The following TTC28 variants were observed in gnomAD, a reference collection of about 807,000 sequenced individuals.
TTC28 encodes tetratricopeptide repeat protein 28.
In TTC28, 61 loss-of-function variants were observed where a neutral mutation model predicts 198.0. The observed-to-expected ratio is 0.31, with a 90% CI of 0.25 to 0.38. The LOEUF is 0.38. TTC28 is among the 10% of genes least tolerant of loss of function. TTC28 has a pLI of 1.00. For synonymous variants in TTC28, 1,171 were observed against 1,297.8 expected, an observed-to-expected ratio of 0.90 and a Z score of 2.10; for missense variants, 2,678 against 3,164.0, an observed-to-expected ratio of 0.85 and a Z score of 3.69.
At chr22:28,395,340 T>G (rs1181104418) in intron 2 of TTC28, among the ~76,000 whole-genome samples, 1 of 152,132 alleles carries the variant, frequency 6.6e-6, no homozygotes, top group African/African-American at 2.4e-5. Flanking sequence ...TTCTATCCCT[T>G]CCAGGGAGAC....
chr22:28,276,517 A>T (rs1932442456), intron 5 of TTC28, among the ~76,000 whole-genome samples: 1 of 152,234 alleles, frequency 6.6e-6, no homozygotes, highest in Non-Finnish European at 1.5e-5. Flanking sequence ...AAATATATAC[A>T]GTAACTATTA....
chr22:28,430,036 ATTTTTTTT>A (rs919396993), intron 2 of TTC28, among the ~76,000 whole-genome samples: 1 of 109,994 alleles, frequency 9.1e-6, no homozygotes, highest in African/African-American at 3.4e-5. Context: ...CTGGAATATG[ATTTTTTTT>A]TTTTTTTTTT....
intron 12 of TTC28, among the ~76,000 whole-genome samples, chr22:28,038,565 C>T (rs1240370831): frequency 4.6e-5 from 7 of 152,114 alleles, no homozygotes; most frequent in Admixed American, 4.6e-4. Context: ...CCATAAAAAC[C>T]CTAGAAGAAA....
chr22:28,671,625 A>C (rs1000998841), intron 1 of TTC28, among the ~76,000 whole-genome samples: 1 of 125,246 alleles, frequency 8.0e-6, no homozygotes, highest in African/African-American at 3.1e-5. Context: ...ACAGAACAAG[A>C]CTCCATCTCA....
intron 6 of TTC28, among the ~76,000 whole-genome samples, chr22:28,159,377 C>T (rs923845519): frequency 2.2e-4 from 33 of 152,056 alleles, no homozygotes; most frequent in African/African-American, 7.7e-4. Flanking sequence ...AGCTACCGGC[C>T]GGGCATGGTG....
chr22:28,335,649 T>C (rs917948858), intron 2 of TTC28, among the ~76,000 whole-genome samples: 7 of 152,166 alleles, frequency 4.6e-5, no homozygotes, highest in Non-Finnish European at 7.4e-5. Context: ...TGTCTGTTAT[T>C]GGTGTATAAG....
chr22:28,043,898 T>C (rs1215653016), intron 12 of TTC28, among the ~76,000 whole-genome samples: 3 of 152,138 alleles, frequency 2.0e-5, no homozygotes, highest in Non-Finnish European at 4.4e-5. Flanking sequence ...GAGCAAGATG[T>C]GCTAGAACCA....
At chr22:28,537,120 C>T (rs1198347191) in intron 2 of TTC28, among the ~76,000 whole-genome samples, 1 of 150,542 alleles carries the variant, frequency 6.6e-6, no homozygotes, top group Non-Finnish European at 1.5e-5. Context: ...GGTGAAACCC[C>T]GTCTCTATTA....
At chr22:28,335,172 T>C (rs1056655430) in intron 2 of TTC28, among the ~76,000 whole-genome samples, 3 of 152,138 alleles carry the variant, frequency 2.0e-5, no homozygotes, top group Non-Finnish European at 2.9e-5. Flanking sequence ...CATAGATATG[T>C]GGCATTATTT....
At chr22:28,401,103 A>G (rs2046899364) in intron 2 of TTC28, among the ~76,000 whole-genome samples, 1 of 151,578 alleles carries the variant, frequency 6.6e-6, no homozygotes, top group African/African-American at 2.4e-5. Flanking sequence ...AAGATGGTAC[A>G]GAGTTGTTTA....
At chr22:28,142,694 G>A (rs1943369265) in intron 6 of TTC28, among the ~76,000 whole-genome samples, 1 of 152,110 alleles carries the variant, frequency 6.6e-6, no homozygotes, top group Non-Finnish European at 1.5e-5. Context: ...ACAGAACAAA[G>A]GAAAGGCAAA....
intron 2 of TTC28, among the ~76,000 whole-genome samples, chr22:28,571,504 T>C (rs1289169688): frequency 6.6e-6 from 1 of 152,196 alleles, no homozygotes; most frequent in Non-Finnish European, 1.5e-5. Context: ...CTGCAACTCA[T>C]CTGATTGGCA....
intron 2 of TTC28, among the ~76,000 whole-genome samples, chr22:28,376,352 G>C (rs770756867): frequency 2.6e-5 from 4 of 152,160 alleles, no homozygotes; most frequent in African/African-American, 7.2e-5. Flanking sequence ...ACTATACTAA[G>C]TGCTTTGTGT....
chr22:28,320,529 T>C (rs1319416412), intron 2 of TTC28, among the ~76,000 whole-genome samples: 1 of 152,202 alleles, frequency 6.6e-6, no homozygotes. Flanking sequence ...TTTAGTCTTT[T>C]CTTTGGCTTC....
At chr22:28,160,221 G>C (rs1474659688) in intron 6 of TTC28, among the ~76,000 whole-genome samples, 1 of 152,160 alleles carries the variant, frequency 6.6e-6, no homozygotes, top group Non-Finnish European at 1.5e-5. Context: ...TAATTGGATT[G>C]TTTGTAACAC....
At chr22:28,207,224 G>GA (rs71194756) in intron 5 of TTC28, among the ~76,000 whole-genome samples, 4,924 of 125,528 alleles carry the variant, frequency 0.039, 115 homozygotes, top group Middle Eastern at 0.089. Flanking sequence ...TAAGCAGATG[G>GA]AAAAAAAAAA....
intron 10 of TTC28, 40 bp from the exon 11 acceptor site, chr22:28,096,448 T>A (rs797015819): frequency 2.6e-6 from 4 of 1,544,806 alleles, no homozygotes; most frequent in Non-Finnish European, 2.6e-6. Context: ...CCATAGTGAG[T>A]GTGCTTACTT....
At chr22:28,564,887 A>T (rs1254851803) in intron 2 of TTC28, among the ~76,000 whole-genome samples, 1 of 147,576 alleles carries the variant, frequency 6.8e-6, no homozygotes, top group East Asian at 1.9e-4. Flanking sequence ...AATTTATTAT[A>T]TAAATAAATT....
intron 6 of TTC28, among the ~76,000 whole-genome samples, chr22:28,146,808 CT>C (rs147535637): frequency 8.4e-4 from 123 of 146,168 alleles, no homozygotes; most frequent in Non-Finnish European, 1.0e-3. Context: ...AAATCCATTA[CT>C]TTTTTTTTTT....
Sources: gnomAD v4.1 joint callset for allele counts (sites outside exome capture counted in the v4.1 genomes callset) on GRCh38, gnomAD v4.1.1 for gene constraint, MANE v1.5 for transcripts, NCBI Gene and HGNC (gene_info 2026-07-23, HGNC 2026-07-21) for gene names.